CRY1: variants seen among roughly 807,000 people sequenced by gnomAD.
CRY1 encodes cryptochrome-1.
CRY1 carries 45 observed loss-of-function variants against 76.0 expected under a neutral mutation model. That is an observed-to-expected ratio of 0.59 (90% CI 0.47 to 0.76). The LOEUF (loss-of-function observed/expected upper bound fraction) is 0.76, where lower values mean the gene tolerates loss of function less well. Ranked by LOEUF, CRY1 falls within the 30% of genes least tolerant of loss-of-function variation. CRY1 has a pLI of 0.00. For missense variants in CRY1, 587 were observed against 716.4 expected, an observed-to-expected ratio of 0.82 and a Z score of 2.06; for synonymous variants, 248 against 244.0, an observed-to-expected ratio of 1.02 and a Z score of -0.15.
At chr12:106,997,212 A>C in intron 10 of CRY1, 82 bp downstream of exon 10, 2 of 1,208,434 alleles carry the variant, frequency 1.7e-6, no homozygotes, top group Non-Finnish European at 2.4e-6. Flanking sequence ...TTTATAAAAT[A>C]TGTTAGTGAG....
chr12:107,010,695 C>T (rs963028113), intron 2 of CRY1, among the ~76,000 whole-genome samples: 3 of 152,090 alleles, frequency 2.0e-5, no homozygotes, highest in Non-Finnish European at 2.9e-5. Flanking sequence ...CCTCCCATTT[C>T]AGCCTCCTGA....
intron 1 of CRY1, among the ~76,000 whole-genome samples, chr12:107,039,041 C>G (rs1952768089): frequency 6.6e-6 from 1 of 152,118 alleles, no homozygotes; most frequent in Admixed American, 6.6e-5. Context: ...AGAAGAATCA[C>G]TTGAACCTGG....
chr12:107,073,877 T>C (rs1953220323), intron 1 of CRY1, among the ~76,000 whole-genome samples: 1 of 152,240 alleles, frequency 6.6e-6, no homozygotes, highest in African/African-American at 2.4e-5. Flanking sequence ...CTTCTCTTCC[T>C]AGCTTCAGTC....
At chr12:107,080,443 G>C (rs2136899228) in intron 1 of CRY1, among the ~76,000 whole-genome samples, 1 of 152,172 alleles carries the variant, frequency 6.6e-6, no homozygotes, top group Admixed American at 6.6e-5. Context: ...AATGGTAACG[G>C]ACTTTATGAG....
intron 1 of CRY1, among the ~76,000 whole-genome samples, chr12:107,057,348 G>C (rs986323735): frequency 2.0e-5 from 3 of 152,108 alleles, no homozygotes; most frequent in Non-Finnish European, 4.4e-5. Context: ...GCAAATAATG[G>C]GTTGGCAAAT....
chr12:107,074,554 T>C (rs1953227092), intron 1 of CRY1, among the ~76,000 whole-genome samples: 1 of 152,200 alleles, frequency 6.6e-6, no homozygotes, highest in African/African-American at 2.4e-5. Context: ...ATTTAAAATA[T>C]GCAACCCAAA....
At position 107,092,887 on chromosome 12, in the gene CRY1, A is replaced by C. The variant is rs1345024912; in HGVS notation, c.75T>G (p.Ile25Met). 2.5e-6 allele frequency: 4 copies of C among 1,610,098 alleles called. No individual in the cohort carries two copies. Among genetic ancestry groups the C allele is most frequent in the Admixed American group, 3.3e-5 (2 of 59,802 alleles). ...LHDNPALKEC[I>M]QGADTIRCVY... ...CGCAGCGGATGGTGTCGGCGCCCTG[A>C]ATGCACTCCTTCAGGGCGGGGTTGT... is the stretch of plus-strand genomic sequence containing the variant. Residue 25 changes from isoleucine (I) to methionine (M), a missense_variant, in exon 1 of 13, where the codon ATT becomes ATG. Coordinates refer to ENST00000008527, the MANE Select transcript of CRY1 (RefSeq NM_004075.5).
intron 1 of CRY1, among the ~76,000 whole-genome samples, chr12:107,086,734 C>G (rs1038447569): frequency 6.6e-6 from 1 of 152,186 alleles, no homozygotes; most frequent in Non-Finnish European, 1.5e-5. Context: ...CAGCTTCCAC[C>G]TAGATTTCAC....
chr12:107,036,190 G>A lies in CRY1; in HGVS notation c.159-13998C>T, dbSNP rs1952731325. 3.3e-5 allele frequency among the ~76,000 whole-genome samples: 5 copies of A among 152,154 alleles called. No individual in the cohort carries two copies. The South Asian group carries it at 8.3e-4, about 25-fold the overall frequency. ...ATTCATTGGCCAGAAAGAGTCACAC[G>A]GCCTCGCCAGACTGCAAAGAGAGCT... On this transcript the variant is annotated intron_variant, in intron 1 of 12. Coordinates refer to ENST00000008527, the MANE Select transcript of CRY1 (RefSeq NM_004075.5).
At chr12:107,065,473 T>C (rs1953098737) in intron 1 of CRY1, among the ~76,000 whole-genome samples, 1 of 151,940 alleles carries the variant, frequency 6.6e-6, no homozygotes, top group Non-Finnish European at 1.5e-5. Context: ...TGCACGCCTG[T>C]AATCCCAGCT....
At chr12:107,049,320 C>A (rs772948297) in intron 1 of CRY1, among the ~76,000 whole-genome samples, 1 of 152,092 alleles carries the variant, frequency 6.6e-6, no homozygotes, top group Admixed American at 6.5e-5. Context: ...ATGTCAAGTT[C>A]GATTATCTTG....
intron 1 of CRY1, among the ~76,000 whole-genome samples, chr12:107,069,002 T>C (rs748406338): frequency 2.6e-5 from 4 of 152,208 alleles, no homozygotes; most frequent in Non-Finnish European, 5.9e-5. Context: ...ATTTTGGTGA[T>C]TGTGAATAGT....
intron 2 of CRY1, among the ~76,000 whole-genome samples, chr12:107,011,309 C>G (rs1014905710): frequency 1.3e-5 from 2 of 151,424 alleles, no homozygotes; most frequent in Admixed American, 1.3e-4. Flanking sequence ...GAGATCGAGC[C>G]ATTGCACTCC....
intron 1 of CRY1, among the ~76,000 whole-genome samples, chr12:107,078,086 T>G (rs1436055943): frequency 6.6e-6 from 1 of 152,218 alleles, no homozygotes; most frequent in Admixed American, 6.5e-5. Flanking sequence ...ATTTACTATT[T>G]CTCAACTTAC....
intron 2 of CRY1, among the ~76,000 whole-genome samples, chr12:107,009,235 G>T: frequency 6.6e-6 from 1 of 151,918 alleles, no homozygotes. Flanking sequence ...ACTTGATCCT[G>T]AAGTAGCAGT....
At chr12:107,064,013 G>T (rs1192555897) in intron 1 of CRY1, among the ~76,000 whole-genome samples, 1 of 152,136 alleles carries the variant, frequency 6.6e-6, no homozygotes. Flanking sequence ...TAGATCTGGG[G>T]TAGAAACTGA....
intron 10 of CRY1, among the ~76,000 whole-genome samples, chr12:106,995,855 GT>G (rs1275735175): frequency 1.3e-5 from 2 of 151,894 alleles, no homozygotes; most frequent in African/African-American, 2.4e-5. Flanking sequence ...GTTGTTTTTT[GT>G]TTTTGAGATG....
At chr12:107,008,810 AG>A (rs1419987221) in intron 2 of CRY1, among the ~76,000 whole-genome samples, 1 of 152,158 alleles carries the variant, frequency 6.6e-6, no homozygotes, top group Non-Finnish European at 1.5e-5. Flanking sequence ...TTCTCATGAT[AG>A]TGAATAAGTC....
At chr12:107,028,683 C>T (rs1952642590) in intron 1 of CRY1, among the ~76,000 whole-genome samples, 1 of 152,222 alleles carries the variant, frequency 6.6e-6, no homozygotes, top group African/African-American at 2.4e-5. Context: ...TATAAGGAGA[C>T]AATGAATTAA....
Sources: gnomAD v4.1 joint callset for allele counts (sites outside exome capture counted in the v4.1 genomes callset) on GRCh38, gnomAD v4.1.1 for gene constraint, MANE v1.5 for transcripts, NCBI Gene and HGNC (gene_info 2026-07-23, HGNC 2026-07-21) for gene names.